FAM107B: variants seen among roughly 807,000 people sequenced by gnomAD.
FAM107B encodes family with sequence similarity 107 member B.
A neutral mutation model predicts 31.5 loss-of-function variants in FAM107B; 21 were observed. The ratio of observed to expected loss-of-function variants is 0.67; its 90% confidence interval spans 0.47 to 0.96. The LOEUF (loss-of-function observed/expected upper bound fraction) is 0.96, where lower values mean the gene tolerates loss of function less well. Among genes scored for constraint, FAM107B ranks in the 40% least tolerant of loss-of-function variants. The pLI, the probability that FAM107B is intolerant of heterozygous loss-of-function variation, is 0.00. For synonymous variants in FAM107B, 157 were observed against 141.5 expected (o/e 1.11, Z -0.78); for missense variants, 452 against 377.1 (o/e 1.20, Z -1.64).
intron 1 of FAM107B, among the ~76,000 whole-genome samples, chr10:14,744,566 C>G (rs1489386442): frequency 6.6e-6 from 1 of 151,976 alleles, no homozygotes; most frequent in Non-Finnish European, 1.5e-5. Flanking sequence ...GAGATGTTGA[C>G]TTTTTTTGAA....
At chr10:14,660,356 T>C (rs145462166) in intron 2 of FAM107B, among the ~76,000 whole-genome samples, 241 of 152,030 alleles carry the variant, frequency 1.6e-3, no homozygotes, top group African/African-American at 5.4e-3. Flanking sequence ...TTCAAACACA[T>C]TTCACTTAAA....
intron 2 of FAM107B, among the ~76,000 whole-genome samples, chr10:14,590,562 A>G (rs1851982176): frequency 6.6e-6 from 1 of 152,236 alleles, no homozygotes; most frequent in African/African-American, 2.4e-5. Flanking sequence ...GCATATGTAA[A>G]TTAAATTCAT....
At chr10:14,629,517 A>AT (rs1265297714) in intron 2 of FAM107B, among the ~76,000 whole-genome samples, 2 of 115,926 alleles carry the variant, frequency 1.7e-5, no homozygotes, top group African/African-American at 7.3e-5. Flanking sequence ...ATATATATAT[A>AT]TATATTTTTT....
In FAM107B at chr10:14,629,393, T is replaced by C. The variant is rs192079249; in HGVS notation, c.469+38241A>G. ...TATTTAATATATATAATATATATAA[T>C]ATATATTATATATTTAATATATATA... is the stretch of plus-strand genomic sequence containing the variant. On this transcript the variant is annotated intron_variant, in intron 2 of 4. Coordinates refer to ENST00000181796, the MANE Select transcript of FAM107B (RefSeq NM_031453.4). 5.9e-3 allele frequency among the ~76,000 whole-genome samples: 160 copies of C among 26,966 alleles called. 9 individuals carry two copies. Among genetic ancestry groups the C allele is most frequent in the East Asian group, 0.031 (19 of 612 alleles). The allele number at this position is 26,966 out of a possible 152,430, so 17.7% of individuals were successfully genotyped here.
At chr10:14,702,468 C>T (rs1013138022) in intron 1 of FAM107B, among the ~76,000 whole-genome samples, 3 of 152,100 alleles carry the variant, frequency 2.0e-5, no homozygotes, top group African/African-American at 7.2e-5. Flanking sequence ...CGCCTCAGCC[C>T]CCTGAGTAGC....
At chr10:14,761,022 A>AC (rs1833034155) in intron 1 of FAM107B, among the ~76,000 whole-genome samples, 1 of 133,420 alleles carries the variant, frequency 7.5e-6, no homozygotes, top group South Asian at 2.3e-4. Context: ...AAAAAAAAAA[A>AC]AAAAAAAAAA....
At chr10:14,567,688 A>G (rs1024604120) in intron 2 of FAM107B, among the ~76,000 whole-genome samples, 3 of 152,190 alleles carry the variant, frequency 2.0e-5, no homozygotes, top group Admixed American at 6.5e-5. Flanking sequence ...AAGCAGAGGC[A>G]AAGTCCAGCA....
In FAM107B at chr10:14,518,613, T is replaced by C. The variant is rs1845343081; in HGVS notation, c.*2577A>G. ...TAAGAATAACTTTGGTTCTAAGAAT[T>C]CCACCCTCAATTCTTTAATACTTTC... is the stretch of plus-strand genomic sequence containing the variant. On this transcript the variant is annotated 3_prime_UTR_variant, in exon 5 of 5. Coordinates refer to ENST00000181796, the MANE Select transcript of FAM107B (RefSeq NM_031453.4). The C allele has an allele frequency of 6.6e-6, 1 of 152,634 alleles. No individual in the cohort carries two copies. The highest frequency in any genetic ancestry group is 1.5e-5 in the Non-Finnish European group (1 of 68,032). 9.5% of individuals were successfully genotyped at this position (152,634 alleles called of 1,614,324 possible).
intron 2 of FAM107B, among the ~76,000 whole-genome samples, chr10:14,635,013 C>T (rs1853460092): frequency 6.6e-6 from 1 of 151,802 alleles, no homozygotes; most frequent in Non-Finnish European, 1.5e-5. Flanking sequence ...CGCTTGAACC[C>T]CGGAGGCGGA....
intron 2 of FAM107B, among the ~76,000 whole-genome samples, chr10:14,594,517 A>AC (rs1852121939): frequency 7.4e-6 from 1 of 134,918 alleles, no homozygotes; most frequent in Non-Finnish European, 1.6e-5. Flanking sequence ...AAAAAAAAAA[A>AC]CAAAAAAAAA....
chr10:14,736,145 G>C (rs780744693), intron 1 of FAM107B, among the ~76,000 whole-genome samples: 2 of 152,120 alleles, frequency 1.3e-5, no homozygotes, highest in African/African-American at 2.4e-5. Flanking sequence ...TGTACCTCCA[G>C]AATATATTAT....
At chr10:14,613,050 C>T (rs1265201241) in intron 2 of FAM107B, among the ~76,000 whole-genome samples, 1 of 152,144 alleles carries the variant, frequency 6.6e-6, no homozygotes, top group African/African-American at 2.4e-5. Context: ...CAGCTCAGTG[C>T]AACCTCCACC....
At chr10:14,663,162 C>A (rs1343358227) in intron 2 of FAM107B, among the ~76,000 whole-genome samples, 2 of 152,246 alleles carry the variant, frequency 1.3e-5, no homozygotes, top group African/African-American at 2.4e-5. Flanking sequence ...CTGAAGGCTG[C>A]ACTGTCGGCT....
intron 1 of FAM107B, among the ~76,000 whole-genome samples, chr10:14,768,428 T>A (rs138661906): frequency 4.7e-4 from 72 of 152,320 alleles, no homozygotes; most frequent in African/African-American, 1.7e-3. Flanking sequence ...CGAAACAGTG[T>A]GGTACTGTCA....
chr10:14,696,385 A>G (rs1335324663), intron 1 of FAM107B, among the ~76,000 whole-genome samples: 1 of 152,056 alleles, frequency 6.6e-6, no homozygotes, highest in Non-Finnish European at 1.5e-5. Context: ...CTTGGATTCT[A>G]TTTGCTAATA....
chr10:14,521,766 A>C (rs958219373), intron 4 of FAM107B, 103 bp downstream of exon 4: 2 of 1,466,044 alleles, frequency 1.4e-6, no homozygotes, highest in Non-Finnish European at 1.8e-6. Flanking sequence ...TTCATGGTAT[A>C]AATGTATACA....
intron 1 of FAM107B, among the ~76,000 whole-genome samples, chr10:14,704,192 G>A (rs1855469448): frequency 6.6e-6 from 1 of 152,020 alleles, no homozygotes; most frequent in East Asian, 1.9e-4. Flanking sequence ...AGGCTTAGGA[G>A]AAATCCGATC....
intron 1 of FAM107B, among the ~76,000 whole-genome samples, chr10:14,722,008 G>A (rs1042643142): frequency 6.6e-6 from 1 of 152,086 alleles, no homozygotes; most frequent in Admixed American, 6.6e-5. Flanking sequence ...AATCCATCTT[G>A]AATTAATTAA....
chr10:14,737,818 G>C (rs1307852811), intron 1 of FAM107B, among the ~76,000 whole-genome samples: 3 of 121,582 alleles, frequency 2.5e-5, no homozygotes, highest in African/African-American at 9.8e-5. Flanking sequence ...GGCTAAACTT[G>C]TACCAGCCAC....
Sources: gnomAD v4.1 joint callset for allele counts (sites outside exome capture counted in the v4.1 genomes callset) on GRCh38, gnomAD v4.1.1 for gene constraint, MANE v1.5 for transcripts, NCBI Gene and HGNC (gene_info 2026-07-23, HGNC 2026-07-21) for gene names.